Variants in N4BP2L2 observed in about 807,000 individuals in gnomAD.
The protein encoded by N4BP2L2 is NEDD4 binding protein 2 like 2.
N4BP2L2 carries 50 observed loss-of-function variants against 56.2 expected under a neutral mutation model. That is an observed-to-expected ratio of 0.89 (90% confidence interval 0.71 to 1.13). N4BP2L2 has a LOEUF of 1.13. Ranked by LOEUF, N4BP2L2 falls within the 50% of genes most tolerant of loss-of-function variation. The pLI is 0.00. For synonymous variants in N4BP2L2, 203 were observed against 223.6 expected, an observed-to-expected ratio of 0.91 and a Z score of 0.82; for missense variants, 689 against 693.8, an observed-to-expected ratio of 0.99 and a Z score of 0.08.
At chr13:32,512,595 A>T in exon 6 of N4BP2L2, 1 of 152,210 alleles carries the variant, frequency 6.6e-6, no homozygotes, top group Admixed American at 6.5e-5. Flanking sequence ...GATTAAATAA[A>T]TTTCTATTGG....
chr13:32,458,904 C>T (rs1405888662), intron 6 of N4BP2L2, among the ~76,000 whole-genome samples: 2 of 152,086 alleles, frequency 1.3e-5, no homozygotes, highest in African/African-American at 4.8e-5. Context: ...AAATAAGTCT[C>T]AACAAATTTT....
intron 6 of N4BP2L2, among the ~76,000 whole-genome samples, chr13:32,497,917 C>G (rs1448724224): frequency 2.0e-5 from 3 of 152,096 alleles, no homozygotes; most frequent in Non-Finnish European, 2.9e-5. Context: ...ATGAAGTTTG[C>G]TACTGATCCA....
At chr13:32,456,185 G>C (rs2078956216) in intron 6 of N4BP2L2, among the ~76,000 whole-genome samples, 1 of 152,164 alleles carries the variant, frequency 6.6e-6, no homozygotes, top group Non-Finnish European at 1.5e-5. Context: ...CTGAGGACTT[G>C]CATCCCCTTC....
chr13:32,479,416 C>T (rs549551730), intron 6 of N4BP2L2, among the ~76,000 whole-genome samples: 34 of 151,532 alleles, frequency 2.2e-4, no homozygotes, highest in African/African-American at 7.7e-4. Context: ...TACAGGCGCC[C>T]GCCACCACAC....
Position 32,488,499 on chromosome 13 carries a change from C to T in N4BP2L2, c.365+29358G>A, listed in dbSNP as rs1004063343. ...CTAACCTCAGCATCACACAATATTC[C>T]CATGTACTCAATCTGCACATGTACT... On this transcript the variant is annotated intron_variant, in intron 6 of 9. Transcript: ENST00000357505. 2.6e-5 allele frequency among the ~76,000 whole-genome samples: 4 copies of T among 152,082 alleles called. No individual in the cohort carries two copies. The East Asian group carries it at 7.7e-4, about 29-fold the overall frequency.
At chr13:32,508,766 T>A (rs1246756160), downstream of N4BP2L2, 1 of 152,180 alleles carries the variant, frequency 6.6e-6, no homozygotes, top group Non-Finnish European at 1.5e-5. Context: ...TGCAAGCATT[T>A]GTGTGTTTTC....
intron 2 of N4BP2L2, among the ~76,000 whole-genome samples, chr13:32,528,315 G>A (rs929152034): frequency 5.9e-5 from 9 of 152,164 alleles, no homozygotes; most frequent in African/African-American, 2.2e-4. Flanking sequence ...TGATCCTCTA[G>A]TGAAAGTCGG....
intron 6 of N4BP2L2, among the ~76,000 whole-genome samples, chr13:32,445,777 T>C (rs1428802972): frequency 2.6e-5 from 4 of 152,176 alleles, no homozygotes; most frequent in Admixed American, 2.0e-4. Flanking sequence ...AAAAGAACAA[T>C]GGTGTTTCAT....
rs183884169 is a variant in N4BP2L2, at chr13:32,524,669, T to C, written c.1385-2399A>G. ...TTCAAGTTCATATTTATTATTCTGG[T>C]TTAATAATAAGATACCATTATTCCA... On this transcript the variant is annotated intron_variant, in intron 3 of 5. Coordinates refer to ENST00000267068, the Ensembl canonical transcript of N4BP2L2. 1.7e-3 allele frequency: 256 copies of C among 152,332 alleles called. 1 individual carries two copies. Among genetic ancestry groups the C allele is most frequent in the African/African-American group, 5.7e-3 (239 of 41,582 alleles). The allele number at this position is 152,332 out of a possible 1,614,324, so 9.4% of individuals were successfully genotyped here.
rs939746921 is a variant in N4BP2L2 at position 32,436,527 on chromosome 13, C to T, written c.2191-122G>A. Reference sequence around the variant, plus strand: ...ACAAAAGAAATATAACAGTGGCTCACGCCTGTAATCCCAGCACTTTGGGAG... The same window carrying T: ...ACAAAAGAAATATAACAGTGGCTCATGCCTGTAATCCCAGCACTTTGGGAG... On this transcript the variant is annotated intron_variant, in intron 8 of 9. Coordinates refer to the N4BP2L2 transcript ENST00000357505. 5.7e-5 allele frequency: 23 copies of T among 405,824 alleles called. No individual in the cohort carries two copies. The Admixed American group carries it at 5.8e-4, about 10-fold the overall frequency. The allele number at this position is 405,824 out of a possible 1,614,324, so 25.1% of individuals were successfully genotyped here.
chr13:32,513,758 A>G (rs181829885), exon 6 of N4BP2L2: 5 of 151,402 alleles, frequency 3.3e-5, no homozygotes, highest in Admixed American at 2.6e-4. Context: ...AAATGTTAAG[A>G]AAAAAAAAGC....
chr13:32,434,501 G>A (rs183157031), intron 9 of N4BP2L2, among the ~76,000 whole-genome samples: 2 of 152,194 alleles, frequency 1.3e-5, no homozygotes, highest in Admixed American at 1.3e-4. Flanking sequence ...AGGGTCCTCT[G>A]TTTAGGGTCA....
At chr13:32,436,246 T>G in intron 9 of N4BP2L2, 1 of 462,642 alleles carries the variant, frequency 2.2e-6, no homozygotes, top group Non-Finnish European at 3.9e-6. Flanking sequence ...AAACTTCATT[T>G]TTTATATTTT....
At position 32,467,882 on chromosome 13, in the gene N4BP2L2, C is replaced by T. The variant is rs1593617788; in HGVS notation, c.366-23756G>A. On this transcript the variant is annotated intron_variant, in intron 6 of 9. Coordinates refer to the N4BP2L2 transcript ENST00000357505. ...GCGGGTGCCTGTAATCCCAGCTACT[C>T]AGAAGGCTGAGGTGGGAGAATCACT... Among the ~76,000 whole-genome samples, 4 of 151,610 alleles carry T rather than the reference C, an allele frequency of 2.6e-5. No individual in the cohort carries two copies. The South Asian group carries it at 8.4e-4, about 32-fold the overall frequency.
At chr13:32,487,229 C>T (rs1044524375) in intron 6 of N4BP2L2, among the ~76,000 whole-genome samples, 2 of 152,096 alleles carry the variant, frequency 1.3e-5, no homozygotes, top group Admixed American at 1.3e-4. Flanking sequence ...GTCCCAGCTA[C>T]TCTGGATGCT....
At chr13:32,506,620 C>G (rs920940361), downstream of N4BP2L2, 1 of 151,976 alleles carries the variant, frequency 6.6e-6, no homozygotes. Context: ...TATTTGGGAC[C>G]TCATCAAGCT....
chr13:32,462,880 A>T (rs9595564), intron 6 of N4BP2L2, among the ~76,000 whole-genome samples: 131 of 146,156 alleles, frequency 9.0e-4, no homozygotes, highest in African/African-American at 3.3e-3. Context: ...AAAAAAAAAA[A>T]AAAAAAAAAA....
intron 6 of N4BP2L2, among the ~76,000 whole-genome samples, chr13:32,504,210 C>T (rs1447197407): frequency 6.6e-6 from 1 of 152,208 alleles, no homozygotes; most frequent in Non-Finnish European, 1.5e-5. Flanking sequence ...AAGTGCTTCT[C>T]AACTAACCAG....
chr13:32,489,311 CTT>C (rs2086561817), intron 6 of N4BP2L2, among the ~76,000 whole-genome samples: 1 of 152,158 alleles, frequency 6.6e-6, no homozygotes. Flanking sequence ...GCTGTTTTTA[CTT>C]TGACATAATA....
Sources: allele counts gnomAD v4.1 joint callset (sites outside exome capture counted in the v4.1 genomes callset), GRCh38; gene constraint gnomAD v4.1.1; transcripts MANE v1.5; gene names NCBI Gene and HGNC (gene_info 2026-07-23, HGNC 2026-07-21).